The following CNTLN variants were observed in gnomAD, a reference collection of about 807,000 sequenced individuals.
The protein encoded by CNTLN is centlein.
CNTLN carries 212 observed loss-of-function variants against 180.0 expected under a neutral mutation model. The ratio of observed to expected loss-of-function variants is 1.18; its 90% CI spans 1.05 to 1.32. The LOEUF (loss-of-function observed/expected upper bound fraction) is 1.32. Ranked by LOEUF, CNTLN falls within the 40% of genes most tolerant of loss-of-function variation. The pLI is 0.00. For synonymous variants in CNTLN, 722 were observed against 563.1 expected, an observed-to-expected ratio of 1.28 and a Z score of -3.99; for missense variants, 2,095 against 1,610.9, an observed-to-expected ratio of 1.30 and a Z score of -5.14.
chr9:17,264,164 T>C (rs1827223785), intron 5 of CNTLN, among the ~76,000 whole-genome samples: 1 of 143,852 alleles, frequency 7.0e-6, no homozygotes, highest in Non-Finnish European at 1.5e-5. Flanking sequence ...TTCTAGGGTT[T>C]TTATGGTTTT....
chr9:17,488,528 A>C (rs1053203768), intron 25 of CNTLN, among the ~76,000 whole-genome samples: 8 of 152,198 alleles, frequency 5.3e-5, no homozygotes, highest in Non-Finnish European at 8.8e-5. Context: ...TTTTATCATA[A>C]TTATGACTAT....
chr9:17,406,384 A>T (rs1827391777), intron 15 of CNTLN, among the ~76,000 whole-genome samples: 1 of 151,750 alleles, frequency 6.6e-6, no homozygotes. Flanking sequence ...TGTTCTACCT[A>T]CACTGGACTG....
chr9:17,330,653 T>C lies in CNTLN; in HGVS notation c.1363T>C (p.Ser455Pro), dbSNP rs751840154. ...ATAGGTACCTCATCGCCCATCCTTA[T>C]CAAGCTTAGAAACGTTAATGGTTTC... The part of the protein sequence containing the change: ...SAQVPHRPSL[S>P]SLETLMVSQK... Residue 455 changes from serine to proline, a missense_variant, in exon 9 of 26, where the codon TCA (serine) becomes CCA (proline). Ser to Pro is a moderately conservative substitution (Grantham distance 74). Transcript: ENST00000380647. 1 of 1,600,602 alleles carries C rather than the reference T, an allele frequency of 6.2e-7. No homozygotes were observed. Among genetic ancestry groups the C allele is most frequent in the East Asian group, 2.2e-5 (1 of 44,468 alleles).
At chr9:17,237,154 G>A (rs890582438) in intron 5 of CNTLN, among the ~76,000 whole-genome samples, 7 of 151,938 alleles carry the variant, frequency 4.6e-5, no homozygotes, top group African/African-American at 1.7e-4. Flanking sequence ...GGCTAATCAA[G>A]TGAGGCAGTG....
intron 18 of CNTLN, among the ~76,000 whole-genome samples, chr9:17,445,554 G>A (rs368650288): frequency 3.3e-5 from 5 of 152,154 alleles, no homozygotes; most frequent in South Asian, 2.1e-4. Flanking sequence ...GATTAAGTGC[G>A]GTGCAAGATG....
intron 2 of CNTLN, among the ~76,000 whole-genome samples, chr9:17,169,913 T>C (rs1416240267): frequency 1.3e-5 from 2 of 151,920 alleles, no homozygotes; most frequent in Non-Finnish European, 2.9e-5. Context: ...ATTTTATGAC[T>C]TTTTTTCACT....
chr9:17,225,682 C>G (rs1297262414), intron 2 of CNTLN, among the ~76,000 whole-genome samples: 1 of 151,802 alleles, frequency 6.6e-6, no homozygotes, highest in Non-Finnish European at 1.5e-5. Flanking sequence ...TTGTGATTTT[C>G]TGTTTCCCAG....
intron 2 of CNTLN, among the ~76,000 whole-genome samples, chr9:17,153,840 G>A (rs1357889029): frequency 6.6e-6 from 1 of 152,098 alleles, no homozygotes; most frequent in Admixed American, 6.5e-5. Context: ...TTTCTTGGAG[G>A]CTTTGTTTTT....
chr9:17,381,607 A>G (rs1235298558), intron 13 of CNTLN, among the ~76,000 whole-genome samples: 3 of 152,214 alleles, frequency 2.0e-5, no homozygotes, highest in Admixed American at 6.5e-5. Flanking sequence ...GTCTTTTATC[A>G]TAGCAGCACC....
chr9:17,506,526 G>T (rs1416268999), downstream of CNTLN, among the ~76,000 whole-genome samples: 1 of 152,176 alleles, frequency 6.6e-6, no homozygotes, highest in Non-Finnish European at 1.5e-5. Flanking sequence ...ATATGGGACA[G>T]CGGAAAGAGT....
intron 1 of CNTLN, among the ~76,000 whole-genome samples, chr9:17,135,874 A>T (rs945781223): frequency 6.6e-6 from 1 of 151,996 alleles, no homozygotes; most frequent in African/African-American, 2.4e-5. Context: ...TCAAACCCAC[A>T]CTTGGCTTTG....
intron 2 of CNTLN, among the ~76,000 whole-genome samples, chr9:17,151,037 A>T (rs934843316): frequency 4.6e-5 from 7 of 152,174 alleles, no homozygotes; most frequent in Admixed American, 3.9e-4. Context: ...CAGCTTAAGG[A>T]GGATTTGGGC....
chr9:17,292,073 G>C (rs945345308), intron 6 of CNTLN, among the ~76,000 whole-genome samples: 1 of 152,136 alleles, frequency 6.6e-6, no homozygotes, highest in Admixed American at 6.5e-5. Context: ...AGTTTGACTG[G>C]AAATGAAATT....
At chr9:17,369,460 T>G (rs991841110) in intron 13 of CNTLN, among the ~76,000 whole-genome samples, 1 of 151,964 alleles carries the variant, frequency 6.6e-6, no homozygotes, top group Non-Finnish European at 1.5e-5. Context: ...GAAACAGATA[T>G]GTAGCCTTTC....
chr9:17,401,723 A>G lies in CNTLN; in HGVS notation c.2615+6654A>G, dbSNP rs114970317. ...GAAAATTTTAAAAGTATTACAAGAA[A>G]TTACAAGATTACTTGTTTATAACTT... On this transcript the variant is annotated intron_variant, in intron 15 of 25. Transcript: ENST00000380647. Among the ~76,000 whole-genome samples the G allele has an allele frequency of 1.6e-3, 249 of 151,960 alleles. 11 individuals are homozygous for G. Among genetic ancestry groups the G allele is most frequent in the African/African-American group, 5.9e-3 (243 of 41,268 alleles).
the CNTLN span, among the ~76,000 whole-genome samples, chr9:17,517,420 TAAATAA>T: frequency 6.7e-6 from 1 of 149,978 alleles, no homozygotes; most frequent in Non-Finnish European, 1.5e-5. Context: ...AAGTTAAAAA[TAAATAA>T]AAATAAAAAT....
At chr9:17,246,815 T>C (rs1587321512) in intron 5 of CNTLN, among the ~76,000 whole-genome samples, 1 of 152,248 alleles carries the variant, frequency 6.6e-6, no homozygotes, top group African/African-American at 2.4e-5. Context: ...TCTCCACACG[T>C]CCATCACCCA....
At chr9:17,225,377 A>T (rs1824400617) in intron 2 of CNTLN, among the ~76,000 whole-genome samples, 1 of 152,022 alleles carries the variant, frequency 6.6e-6, no homozygotes, top group African/African-American at 2.4e-5. Flanking sequence ...CTTCATCCCC[A>T]TTTATAGTTT....
At chr9:17,477,809 G>T (rs968241414) in intron 23 of CNTLN, among the ~76,000 whole-genome samples, 1 of 152,232 alleles carries the variant, frequency 6.6e-6, no homozygotes, top group Admixed American at 6.5e-5. Context: ...AAAAGTTTTA[G>T]AATATTCCAT....
Sources: allele counts gnomAD v4.1 joint callset (sites outside exome capture counted in the v4.1 genomes callset), GRCh38; gene constraint gnomAD v4.1.1; transcripts MANE v1.5; gene names NCBI Gene and HGNC (gene_info 2026-07-23, HGNC 2026-07-21).